PDE10A: variants seen among roughly 807,000 people sequenced by gnomAD.
PDE10A encodes phosphodiesterase 10A, also known as cAMP and cAMP-inhibited cGMP 3',5'-cyclic phosphodiesterase 10A.
Under a neutral mutation model 97.7 loss-of-function variants are expected in PDE10A, and 39 were observed. The ratio of observed to expected loss-of-function variants is 0.40; its 90% CI spans 0.31 to 0.52. PDE10A has a LOEUF of 0.52. PDE10A is among the 20% of genes least tolerant of loss of function. The pLI, the probability that PDE10A is intolerant of heterozygous loss-of-function variation, is 0.56. For missense variants in PDE10A, 731 were observed against 1,047.8 expected (o/e 0.70, Z 4.17); for synonymous variants, 371 against 376.8 (o/e 0.98, Z 0.18).
At chr6:165,787,661 A>C (rs1483648044) in intron 1 of PDE10A, among the ~76,000 whole-genome samples, 1 of 152,178 alleles carries the variant, frequency 6.6e-6, no homozygotes, top group Non-Finnish European at 1.5e-5. Flanking sequence ...ACCTTTAACC[A>C]TCATTTTTTT....
intron 1 of PDE10A, among the ~76,000 whole-genome samples, chr6:165,580,693 A>G (rs912704932): frequency 6.6e-6 from 1 of 152,226 alleles, no homozygotes; most frequent in African/African-American, 2.4e-5. Flanking sequence ...ACTCACATAT[A>G]TATGGTGTAA....
At chr6:165,541,369 A>G (rs1288726642) in intron 2 of PDE10A, among the ~76,000 whole-genome samples, 1 of 152,190 alleles carries the variant, frequency 6.6e-6, no homozygotes, top group Non-Finnish European at 1.5e-5. Flanking sequence ...TCAGTTACAC[A>G]CTGCTGGTCT....
chr6:165,885,950 C>A (rs772305955), intron 1 of PDE10A, among the ~76,000 whole-genome samples: 153 of 152,260 alleles, frequency 1.0e-3, no homozygotes, highest in Non-Finnish European at 1.6e-3. Context: ...ATTTTATATA[C>A]CTTATATAAC....
At chr6:165,531,310 G>A (rs1260729558) in intron 2 of PDE10A, among the ~76,000 whole-genome samples, 3 of 151,120 alleles carry the variant, frequency 2.0e-5, no homozygotes, top group Non-Finnish European at 4.4e-5. Flanking sequence ...TGCTTAGCAA[G>A]CGTTACGCAC....
chr6:165,663,391 A>G (rs1376868207), upstream of PDE10A, among the ~76,000 whole-genome samples: 1 of 152,166 alleles, frequency 6.6e-6, no homozygotes, highest in Non-Finnish European at 1.5e-5. Flanking sequence ...GCGGGCGGAC[A>G]GAGCAACCGC....
intron 1 of PDE10A, among the ~76,000 whole-genome samples, chr6:165,562,635 A>G (rs1784576025): frequency 1.3e-5 from 2 of 152,164 alleles, no homozygotes; most frequent in African/African-American, 4.8e-5. Context: ...TTTCCGTGAC[A>G]CTGCACTGCT....
At position 165,624,333 on chromosome 6, in the gene PDE10A, A is replaced by G. The variant is rs182434654; in HGVS notation, c.865+37614T>C. On this transcript the variant is annotated intron_variant, in intron 1 of 21. Coordinates refer to ENST00000539869, the MANE Select transcript of PDE10A (RefSeq NM_001385079.1). ...TTGCTTCATGTCATTCCCCGATTCA[A>G]AACACTTTTATCTCGGTACACTCTT... Among the ~76,000 whole-genome samples the G allele has an allele frequency of 8.5e-5, 13 of 152,250 alleles. No individual in the cohort carries two copies. In the East Asian group the frequency reaches 2.3e-3, roughly 27 times the overall value.
At chr6:165,502,834 G>A (rs1780968169) in intron 2 of PDE10A, among the ~76,000 whole-genome samples, 1 of 152,204 alleles carries the variant, frequency 6.6e-6, no homozygotes, top group Non-Finnish European at 1.5e-5. Flanking sequence ...CCAGGAACTA[G>A]AGGAGGGTGG....
intron 10 of PDE10A, among the ~76,000 whole-genome samples, chr6:165,421,746 T>G (rs955987153): frequency 6.6e-6 from 1 of 152,128 alleles, no homozygotes; most frequent in African/African-American, 2.4e-5. Context: ...AAAAATCAAC[T>G]GACAAACAAT....
intron 1 of PDE10A, among the ~76,000 whole-genome samples, chr6:165,811,171 C>G (rs1583127686): frequency 6.6e-6 from 1 of 152,088 alleles, no homozygotes; most frequent in East Asian, 1.9e-4. Context: ...TGCAGTGAGC[C>G]AAGATTGCAC....
chr6:165,790,020 C>T (rs902251527), intron 1 of PDE10A, among the ~76,000 whole-genome samples: 5 of 152,170 alleles, frequency 3.3e-5, no homozygotes, highest in African/African-American at 1.2e-4. Flanking sequence ...GTATAATCTA[C>T]TGGCAAAGAG....
chr6:165,796,086 C>CCTT (rs1778819834), intron 1 of PDE10A, among the ~76,000 whole-genome samples: 6 of 120,462 alleles, frequency 5.0e-5, no homozygotes, highest in African/African-American at 1.9e-4. Context: ...TCTTTTTTTT[C>CCTT]TTTTCTTTTT....
At chr6:165,973,733 G>A (rs1469301356) in intron 1 of PDE10A, among the ~76,000 whole-genome samples, 1 of 152,210 alleles carries the variant, frequency 6.6e-6, no homozygotes, top group Admixed American at 6.5e-5. Context: ...TCAGGACGTC[G>A]CAGGAATATC....
At chr6:165,400,937 A>G (rs866045667) in intron 13 of PDE10A, among the ~76,000 whole-genome samples, 8 of 152,364 alleles carry the variant, frequency 5.3e-5, no homozygotes, top group South Asian at 4.1e-4. Flanking sequence ...AATTATGTTA[A>G]GTGAAAAAAG....
chr6:165,866,441 T>C (rs1231181249), intron 1 of PDE10A, among the ~76,000 whole-genome samples: 1 of 151,442 alleles, frequency 6.6e-6, no homozygotes, highest in Non-Finnish European at 1.5e-5. Flanking sequence ...TCGTTAAGCA[T>C]GATTGGGTTG....
chr6:165,620,796 G>T (rs1788089281), intron 1 of PDE10A, among the ~76,000 whole-genome samples: 2 of 144,028 alleles, frequency 1.4e-5, no homozygotes, highest in African/African-American at 5.6e-5. Flanking sequence ...GTCGAGGCGG[G>T]TGGATCATGA....
chr6:165,915,236 C>A (rs1782572308), intron 1 of PDE10A, among the ~76,000 whole-genome samples: 1 of 152,148 alleles, frequency 6.6e-6, no homozygotes, highest in Non-Finnish European at 1.5e-5. Context: ...TGAGATTAGA[C>A]AAGTTCAAGG....
chr6:165,699,391 A>T (rs997290073), intron 1 of PDE10A, among the ~76,000 whole-genome samples: 1 of 152,354 alleles, frequency 6.6e-6, no homozygotes, highest in East Asian at 1.9e-4. Context: ...CAACAAAAAT[A>T]TGCAGGCTTC....
chr6:165,573,766 T>TA (rs796648972), intron 1 of PDE10A, among the ~76,000 whole-genome samples: 182 of 148,674 alleles, frequency 1.2e-3, no homozygotes, highest in African/African-American at 3.4e-3. Context: ...AGAAAAGCAA[T>TA]AAAAAAAAAA....
Sources: gnomAD v4.1 joint callset for allele counts (sites outside exome capture counted in the v4.1 genomes callset) on GRCh38, gnomAD v4.1.1 for gene constraint, MANE v1.5 for transcripts, NCBI Gene and HGNC (gene_info 2026-07-23, HGNC 2026-07-21) for gene names.